The following CENATAC variants were observed in gnomAD, a reference collection of about 807,000 sequenced individuals.
CENATAC encodes the protein coiled-coil domain containing 84.
CENATAC carries 53 observed loss-of-function variants against 53.7 expected under a neutral mutation model. The ratio of observed to expected loss-of-function variants is 0.99; its 90% confidence interval spans 0.79 to 1.24. The LOEUF (loss-of-function observed/expected upper bound fraction) is 1.24. Among genes scored for constraint, CENATAC ranks in the 50% most tolerant of loss-of-function variants. The pLI is 0.00. For missense variants in CENATAC, 474 were observed against 417.8 expected, an observed-to-expected ratio of 1.13 and a Z score of -1.17; for synonymous variants, 156 against 144.6, an observed-to-expected ratio of 1.08 and a Z score of -0.57.
rs1182548624 is a variant in CENATAC, at chr11:119,013,243, A to G, written c.696A>G (p.Gly232=). The G allele has an allele frequency of 1.2e-6, 2 of 1,609,680 alleles. No homozygotes were observed. The highest frequency in any genetic ancestry group is 2.7e-5 in the African/African-American group (2 of 74,332). ...LTFIGHQDIP[G]VGNIHSGATP... ...ATTTCCAACTACAGGATATACCAGG[A>G]GTTGGTAACATCCACTCAGGTAAGG... The change falls in exon 8 of 11, where the codon GGA becomes GGG. Residue 232 remains glycine, a synonymous_variant. Transcript: ENST00000334418.
In CENATAC at chr11:119,010,801, G is replaced by A; in HGVS notation, c.421G>A (p.Glu141Lys). ...KSMVKGLDSY[E>K]EKEDKVIKEM... ...CATGGTGAAAGGTTTGGATTCCTAT[G>A]AAGAAAAGGAGGATAAAGTGATCAA... Residue 141 changes from glutamate (E) to lysine (K), a missense_variant, in exon 4 of 11, where the codon GAA (glutamate) becomes AAA (lysine). Glu to Lys is a moderately conservative substitution (Grantham distance 56, BLOSUM62 1). Transcript: ENST00000334418. 1.2e-6 allele frequency: 2 copies of A among 1,614,128 alleles called. No homozygotes were observed. Among genetic ancestry groups the A allele is most frequent in the Non-Finnish European group, 1.7e-6 (2 of 1,179,994 alleles).
chr11:119,015,274 A>C, intron 9 of CENATAC, 33 bp from the exon 10 acceptor site: 1 of 1,574,662 alleles, frequency 6.4e-7, no homozygotes, highest in Non-Finnish European at 8.6e-7. Flanking sequence ...TTCTTCAATA[A>C]AGAAAAATAA....
Position 119,006,775 on chromosome 11 carries a change from G to A in CENATAC, c.384-3989G>A, listed in dbSNP as rs78839148. Reference sequence around the variant, plus strand: ...TGACTGTAGCTCCCATAATTCCCACGTTGTGGGAGGGACCCAGTGGGAGAT... The same window carrying A: ...TGACTGTAGCTCCCATAATTCCCACATTGTGGGAGGGACCCAGTGGGAGAT... On this transcript the variant is annotated intron_variant, in intron 3 of 10. Transcript: ENST00000334418. Among the ~76,000 whole-genome samples, 566 of 152,324 alleles carry A rather than the reference G, an allele frequency of 3.7e-3. 2 individuals carry two copies. The highest frequency in any genetic ancestry group is 0.012 in the African/African-American group (488 of 41,574).
At chr11:119,010,958 G>C (rs1942841181) in intron 4 of CENATAC, 128 bp downstream of exon 4, 1 of 785,316 alleles carries the variant, frequency 1.3e-6, no homozygotes, top group African/African-American at 1.7e-5. Context: ...CAGATCATCA[G>C]GCACTAGATT....
intron 3 of CENATAC, among the ~76,000 whole-genome samples, chr11:119,006,457 T>C (rs539278529): frequency 5.4e-4 from 82 of 152,096 alleles, no homozygotes; most frequent in African/African-American, 1.3e-3. Context: ...AGGATGGTCT[T>C]GATCTCCTGA....
chr11:118,998,461 C>T lies in CENATAC; in HGVS notation c.152C>T (p.Ala51Val). 1 of 1,613,014 alleles carries T rather than the reference C, an allele frequency of 6.2e-7. No homozygotes were observed. Among genetic ancestry groups the T allele is most frequent in the Non-Finnish European group, 8.5e-7 (1 of 1,179,866 alleles). The change falls in exon 2 of 11, where the codon GCT becomes GTT. Residue 51 changes from alanine (A) to valine (V), a missense_variant. Transcript: ENST00000334418. ...VEAARKAIRA[A>V]QVERYVPEHE... ...GCGGCCCGCAAGGCCATCCGCGCCG[C>T]TCAGGTGGAGCGCTATGTGCCCGAA...
intron 8 of CENATAC, 33 bp from the exon 9 acceptor site, chr11:119,014,961 A>T: frequency 7.4e-7 from 1 of 1,343,304 alleles, no homozygotes; most frequent in Non-Finnish European, 1.0e-6. Context: ...GAAGACTTAA[A>T]AAAAAAAAAA....
intron 4 of CENATAC, 42 bp downstream of exon 4, chr11:119,010,872 G>T (rs781970718): frequency 7.6e-6 from 12 of 1,585,992 alleles, no homozygotes; most frequent in African/African-American, 1.3e-5. Context: ...TGCACCAGGG[G>T]CTGGTTTCGT....
At chr11:119,015,111 G>T in intron 9 of CENATAC, 28 bp downstream of exon 9, 1 of 1,559,046 alleles carries the variant, frequency 6.4e-7, no homozygotes, top group Non-Finnish European at 8.8e-7. Context: ...AGAGAGGATC[G>T]TCTAAATCTT....
chr11:119,015,044 C>G lies in CENATAC; in HGVS notation c.766C>G (p.Gln256Glu), dbSNP rs527738305. The G allele has an allele frequency of 6.2e-7, 1 of 1,611,328 alleles. No homozygotes were observed. The highest frequency in any genetic ancestry group is 8.5e-7 in the Non-Finnish European group (1 of 1,179,102). Residue 256 changes from glutamine to glutamate, a missense_variant, in exon 9 of 11, where the codon CAA becomes GAA. Coordinates refer to ENST00000334418, the MANE Select transcript of CENATAC (RefSeq NM_198489.3). ...AGATGAAGAATACATTGCTGGGAAC[C>G]AAGAAATAGGACCATCCTATGAAGA... Reference protein sequence around the residue: ...IQDEEYIAGNQEIGPSYEEFL... With the variant: ...IQDEEYIAGNEEIGPSYEEFL...
In CENATAC at chr11:119,011,282, A is replaced by C; in HGVS notation, c.512A>C (p.Glu171Ala). The C allele has an allele frequency of 6.2e-7, 1 of 1,613,962 alleles. No homozygotes were observed. Among genetic ancestry groups the C allele is most frequent in the South Asian group, 1.1e-5 (1 of 91,060 alleles). ...SRQEVVRSVL[E>A]PQAVPDPEEG... ...CAGGAGGTGGTTCGGTCTGTCTTAGAGGTTGGTTTCCCTCGGAGGATCCAG... is the reference window on the plus strand; with the variant it reads ...CAGGAGGTGGTTCGGTCTGTCTTAGCGGTTGGTTTCCCTCGGAGGATCCAG... Residue 171 changes from glutamate (E) to alanine (A), a missense_variant and splice_region_variant, in exon 5 of 11, where the codon GAG (glutamate) becomes GCG (alanine). Coordinates refer to ENST00000334418, the MANE Select transcript of CENATAC (RefSeq NM_198489.3).
chr11:119,007,424 C>T (rs1032823353), intron 3 of CENATAC, among the ~76,000 whole-genome samples: 8 of 152,006 alleles, frequency 5.3e-5, no homozygotes, highest in African/African-American at 7.3e-5. Context: ...CCTCATGATC[C>T]GCCCACCTCG....
intron 4 of CENATAC, 30 bp downstream of exon 4, chr11:119,010,860 T>C (rs1373914924): frequency 1.2e-6 from 2 of 1,602,720 alleles, no homozygotes; most frequent in African/African-American, 2.7e-5. Context: ...CCTCACCCTT[T>C]TTGCACCAGG....
intron 3 of CENATAC, among the ~76,000 whole-genome samples, chr11:119,009,098 A>G (rs1942746437): frequency 6.6e-6 from 1 of 152,156 alleles, no homozygotes; most frequent in African/African-American, 2.4e-5. Flanking sequence ...ACATAGACAC[A>G]GTGACAGTCT....
chr11:119,014,693 G>T, intron 8 of CENATAC: 1 of 221,170 alleles, frequency 4.5e-6, no homozygotes, highest in East Asian at 1.0e-4. Context: ...TTTAATGGGG[G>T]CAGTGATACT....
chr11:119,000,129 C>T (rs556713082), intron 3 of CENATAC, among the ~76,000 whole-genome samples: 47 of 152,224 alleles, frequency 3.1e-4, no homozygotes, highest in Admixed American at 8.5e-4. Flanking sequence ...TCTTGGTTGG[C>T]AGAAGCTGCC....
At chr11:119,002,439 A>G (rs1303199697) in intron 3 of CENATAC, among the ~76,000 whole-genome samples, 2 of 151,474 alleles carry the variant, frequency 1.3e-5, no homozygotes, top group Non-Finnish European at 2.9e-5. Context: ...CCCAGGTTCA[A>G]GCAGTTCTCC....
At chr11:119,011,787 G>A in intron 5 of CENATAC, 152 bp from the exon 6 acceptor site, 2 of 667,804 alleles carry the variant, frequency 3.0e-6, no homozygotes, top group Non-Finnish European at 5.3e-6. Context: ...GGACTGGGAG[G>A]GAGGGAGGGA....
At chr11:118,999,889 A>G (rs7930553) in intron 3 of CENATAC, among the ~76,000 whole-genome samples, 3,278 of 151,592 alleles carry the variant, frequency 0.022, 112 homozygotes, top group African/African-American at 0.075. Flanking sequence ...TGATCCGCCC[A>G]CCTTGGCCTC....
Sources: allele counts gnomAD v4.1 joint callset (sites outside exome capture counted in the v4.1 genomes callset), GRCh38; gene constraint gnomAD v4.1.1; transcripts MANE v1.5; gene names NCBI Gene and HGNC (gene_info 2026-07-23, HGNC 2026-07-21).